The following OR8G5 variants were observed in gnomAD, a reference collection of about 807,000 sequenced individuals.
The protein encoded by OR8G5 is olfactory receptor family 8 subfamily G member 5.
For synonymous variants in OR8G5, 147 were observed against 147.7 expected (o/e 1.00, Z 0.03); for missense variants, 347 against 371.9 (o/e 0.93, Z 0.55).
At chr11:124,264,896 A>G in intron 1 of OR8G5, 22 bp from the exon 2 acceptor site, 3 of 1,611,512 alleles carry the variant, frequency 1.9e-6, no homozygotes, top group Non-Finnish European at 2.5e-6. Context: ...CCTAAATACC[A>G]TGTTTTTTCT....
At chr11:124,263,773 G>A (rs989249166) in intron 1 of OR8G5, among the ~76,000 whole-genome samples, 8 of 151,808 alleles carry the variant, frequency 5.3e-5, no homozygotes, top group Admixed American at 2.0e-4. Flanking sequence ...ATTTATTTTG[G>A]TGTAGAAATG....
rs75683069 is a variant in OR8G5, at chr11:124,258,807, C to T, written c.-15+2173C>T. 7.5e-3 allele frequency among the ~76,000 whole-genome samples: 1,139 copies of T among 152,184 alleles called. 8 individuals carry two copies. The highest frequency in any genetic ancestry group is 0.012 in the Non-Finnish European group (790 of 68,004). On this transcript the variant is annotated intron_variant, in intron 1 of 1. Transcript: ENST00000641992. Reference sequence around the variant, plus strand: ...CCCCAAGGACTAAACACCAGCACTTCAGCACCATTGTAACACATTCTAAGT... The same window carrying T: ...CCCCAAGGACTAAACACCAGCACTTTAGCACCATTGTAACACATTCTAAGT...
intron 1 of OR8G5, among the ~76,000 whole-genome samples, chr11:124,258,782 C>T (rs1391762712): frequency 6.6e-6 from 1 of 152,034 alleles, no homozygotes; most frequent in Non-Finnish European, 1.5e-5. Context: ...CTCTTCATTG[C>T]CCCAAGGACT....
At chr11:124,260,581 A>T (rs192769449) in intron 1 of OR8G5, among the ~76,000 whole-genome samples, 94 of 151,982 alleles carry the variant, frequency 6.2e-4, no homozygotes, top group African/African-American at 2.1e-3. Context: ...ATATCCAGCA[A>T]TTGAATTATG....
In OR8G5 at chr11:124,265,009, C is replaced by T. The variant is rs775148819; in HGVS notation, c.78C>T (p.Pro26=). 14 of 1,613,858 alleles carry T rather than the reference C, an allele frequency of 8.7e-6. No individual in the cohort carries two copies. In the African/African-American group the frequency reaches 1.2e-4, roughly 14 times the overall value. Reference sequence around the variant, plus strand: ...CAGAGAAGTCAGAGCTACAGCTGCCCCTCTTCCTCGTCTTCCTGGGAATCT... The same window carrying T: ...CAGAGAAGTCAGAGCTACAGCTGCCTCTCTTCCTCGTCTTCCTGGGAATCT... ...GLTEKSELQL[P]LFLVFLGIYV... The change falls in exon 2 of 2, where the codon CCC becomes CCT. Residue 26 remains proline (P), a synonymous_variant. Coordinates refer to ENST00000641992, the MANE Select transcript of OR8G5 (RefSeq NM_001005198.2).
At chr11:124,260,561 T>G (rs1472947968) in intron 1 of OR8G5, among the ~76,000 whole-genome samples, 1 of 151,850 alleles carries the variant, frequency 6.6e-6, no homozygotes, top group Admixed American at 6.6e-5. Context: ...CGATCATCTG[T>G]TTAGATGTTA....
chr11:124,262,532 A>G (rs1038351447), intron 1 of OR8G5, among the ~76,000 whole-genome samples: 42 of 152,198 alleles, frequency 2.8e-4, no homozygotes, highest in African/African-American at 9.1e-4. Flanking sequence ...ACACTGGTGA[A>G]TACTTCTATA....
chr11:124,258,948 T>C (rs1056393052), intron 1 of OR8G5, among the ~76,000 whole-genome samples: 1 of 152,222 alleles, frequency 6.6e-6, no homozygotes, highest in African/African-American at 2.4e-5. Flanking sequence ...CTTTATCATC[T>C]ATTATTCTAT....
intron 1 of OR8G5, among the ~76,000 whole-genome samples, chr11:124,257,900 C>T (rs1180941516): frequency 6.6e-6 from 1 of 152,114 alleles, no homozygotes; most frequent in Non-Finnish European, 1.5e-5. Context: ...TTAAAGCACT[C>T]AGCATGCCAG....
intron 1 of OR8G5, among the ~76,000 whole-genome samples, chr11:124,262,955 G>A (rs1010670628): frequency 1.3e-5 from 2 of 152,160 alleles, no homozygotes; most frequent in East Asian, 3.8e-4. Flanking sequence ...TGTATGACAA[G>A]TAGAGATGCT....
At position 124,265,698 on chromosome 11, in the gene OR8G5, C is replaced by T. The variant is rs1862022370; in HGVS notation, c.767C>T (p.Ala256Val). ...GTTTCTGTTTTCTTTGGGTCTGCAG[C>T]ATTCATGTACCTGCAGCCATCATCT... is the stretch of plus-strand genomic sequence containing the variant. ...SAVSVFFGSA[A>V]FMYLQPSSVS... Residue 256 changes from alanine to valine, a missense_variant, in exon 2 of 2, where the codon GCA becomes GTA. Physicochemically the swap from Ala to Val is moderately conservative, Grantham distance 64. Transcript: ENST00000641992. The T allele has an allele frequency of 6.2e-7, 1 of 1,613,924 alleles. No homozygotes were observed. Among genetic ancestry groups the T allele is most frequent in the Admixed American group, 1.7e-5 (1 of 59,994 alleles).
chr11:124,264,383 C>T (rs1299360094), intron 1 of OR8G5, among the ~76,000 whole-genome samples: 2 of 152,160 alleles, frequency 1.3e-5, no homozygotes, highest in African/African-American at 4.8e-5. Flanking sequence ...GATAGATATT[C>T]ACAATGATCA....
rs145368350 is a variant in OR8G5, at chr11:124,260,536, AT to A, written c.-15+3908del. Among the ~76,000 whole-genome samples, 947 of 152,018 alleles carry A rather than the reference AT, an allele frequency of 6.2e-3. 7 individuals carry two copies. Among genetic ancestry groups the A allele is most frequent in the African/African-American group, 0.022 (923 of 41,522 alleles). ...TAAAAAAAGAATTACATATTGATATATTTTTTAAACATATCGATCATCTGTT... is the reference window on the plus strand; with the variant it reads ...TAAAAAAAGAATTACATATTGATATATTTTTAAACATATCGATCATCTGTT... On this transcript the variant is annotated intron_variant, in intron 1 of 1. Coordinates refer to ENST00000641992, the MANE Select transcript of OR8G5 (RefSeq NM_001005198.2).
At chr11:124,260,157 T>C (rs1449109835) in intron 1 of OR8G5, among the ~76,000 whole-genome samples, 1 of 148,326 alleles carries the variant, frequency 6.7e-6, no homozygotes, top group Non-Finnish European at 1.5e-5. Context: ...TTTGTTGATA[T>C]ATTTTTCATA....
intron 1 of OR8G5, among the ~76,000 whole-genome samples, chr11:124,260,688 T>TA (rs1861961991): frequency 6.6e-6 from 1 of 151,850 alleles, no homozygotes; most frequent in African/African-American, 2.4e-5. Context: ...TTAGGGTTTT[T>TA]AAAAAATTAG....
chr11:124,264,090 A>C (rs1862002983), intron 1 of OR8G5, among the ~76,000 whole-genome samples: 1 of 148,908 alleles, frequency 6.7e-6, no homozygotes, highest in Admixed American at 6.7e-5. Context: ...TAACAACATA[A>C]GATTGACCTT....
In OR8G5 at chr11:124,265,463, T is replaced by A. The variant is rs1427752762; in HGVS notation, c.532T>A (p.Phe178Ile). ...CAAATTTGATGTGATCAACCATTATTTCTGTGATCTTATTTCTATCTTGAA... is the reference window on the plus strand; with the variant it reads ...CAAATTTGATGTGATCAACCATTATATCTGTGATCTTATTTCTATCTTGAA... ...FCKFDVINHYFCDLISILKLS... is the reference protein window; with the variant it reads ...FCKFDVINHYICDLISILKLS... Residue 178 changes from phenylalanine to isoleucine, a missense_variant, in exon 2 of 2, where the codon TTC becomes ATC. By Grantham distance (21) the Phe-to-Ile change is conservative. Coordinates refer to ENST00000641992, the MANE Select transcript of OR8G5 (RefSeq NM_001005198.2). The A allele has an allele frequency of 1.2e-6, 2 of 1,613,902 alleles. No homozygotes were observed. Among genetic ancestry groups the A allele is most frequent in the African/African-American group, 2.7e-5 (2 of 74,932 alleles).
chr11:124,262,347 T>C (rs1481209011), intron 1 of OR8G5, among the ~76,000 whole-genome samples: 3 of 151,570 alleles, frequency 2.0e-5, no homozygotes, highest in Non-Finnish European at 4.4e-5. Flanking sequence ...ATGTTAATTA[T>C]TATGAAAAAC....
At chr11:124,264,541 A>T (rs1037591838) in intron 1 of OR8G5, among the ~76,000 whole-genome samples, 3 of 152,220 alleles carry the variant, frequency 2.0e-5, no homozygotes, top group Non-Finnish European at 2.9e-5. Context: ...TCAGGTTATT[A>T]GAGGTTACTG....
Sources: allele counts gnomAD v4.1 joint callset (sites outside exome capture counted in the v4.1 genomes callset), GRCh38; gene constraint gnomAD v4.1.1; transcripts MANE v1.5; gene names NCBI Gene and HGNC (gene_info 2026-07-23, HGNC 2026-07-21).